Variants in CCDC7 observed in about 807,000 individuals in gnomAD.
CCDC7 encodes coiled-coil domain-containing protein 7.
In CCDC7, 183 loss-of-function variants were observed where a neutral mutation model predicts 196.9. That is an observed-to-expected ratio of 0.93 (90% CI 0.82 to 1.05). The LOEUF (loss-of-function observed/expected upper bound fraction) is 1.05, where lower values mean the gene tolerates loss of function less well. CCDC7 is among the 50% of genes least tolerant of loss of function. CCDC7 has a pLI of 0.00. For missense variants in CCDC7, 1,540 were observed against 1,482.2 expected (o/e 1.04, Z -0.64); for synonymous variants, 525 against 484.6 (o/e 1.08, Z -1.10).
chr10:32,786,834 G>T lies in CCDC7; in HGVS notation c.3013+7750G>T, dbSNP rs145520372. On this transcript the variant is annotated intron_variant, in intron 29 of 41. Coordinates refer to ENST00000639629, the Ensembl canonical transcript of CCDC7. ...AGAGCTAAAGGAAAACATGGACAAA[G>T]AACAAAAGGAAATCAGAAAAACTTT... Among the ~76,000 whole-genome samples the T allele has an allele frequency of 7.2e-5, 11 of 151,840 alleles. No individual in the cohort carries two copies. In the East Asian group the frequency reaches 2.1e-3, roughly 29 times the overall value.
At chr10:32,667,294 A>G (rs1175652501) in intron 21 of CCDC7, among the ~76,000 whole-genome samples, 1 of 152,140 alleles carries the variant, frequency 6.6e-6, no homozygotes, top group Non-Finnish European at 1.5e-5. Flanking sequence ...AGTAGATTGC[A>G]AAAATTATCT....
At chr10:32,854,298 A>G (rs1013339949) in intron 40 of CCDC7, 102 bp from the exon 42 acceptor site, 1 of 687,740 alleles carries the variant, frequency 1.5e-6, no homozygotes, top group African/African-American at 1.8e-5. Flanking sequence ...AAAAGTTGTA[A>G]GGAAACTGTG....
chr10:32,849,953 G>A (rs1337165042), intron 39 of CCDC7, among the ~76,000 whole-genome samples: 1 of 152,054 alleles, frequency 6.6e-6, no homozygotes, highest in African/African-American at 2.4e-5. Flanking sequence ...GAAGGCGGGG[G>A]GCACTGGCCA....
intron 18 of CCDC7, among the ~76,000 whole-genome samples, chr10:32,618,860 T>A (rs1271307854): frequency 2.0e-5 from 3 of 152,114 alleles, no homozygotes; most frequent in African/African-American, 7.2e-5. Flanking sequence ...TGCTCTTCCT[T>A]CCTCAGGAAT....
intron 9 of CCDC7, among the ~76,000 whole-genome samples, chr10:32,497,025 C>CT (rs1051914190): frequency 1.3e-5 from 2 of 152,148 alleles, no homozygotes; most frequent in Middle Eastern, 6.8e-3. Flanking sequence ...TGGTCCTGGA[C>CT]TTTTTTTGGT....
chr10:32,684,324 C>A (rs1363336450), intron 21 of CCDC7, among the ~76,000 whole-genome samples: 1 of 152,158 alleles, frequency 6.6e-6, no homozygotes, highest in East Asian at 1.9e-4. Context: ...GCCTGAATAG[C>A]GGCTCTGCGG....
At chr10:32,878,538 C>T (rs957524038), downstream of CCDC7, among the ~76,000 whole-genome samples, 1 of 152,036 alleles carries the variant, frequency 6.6e-6, no homozygotes, top group Non-Finnish European at 1.5e-5. Context: ...TAACCAATGA[C>T]TCTAATTAGC....
intron 20 of CCDC7, among the ~76,000 whole-genome samples, chr10:32,641,074 C>T (rs2066710199): frequency 6.6e-6 from 1 of 152,072 alleles, no homozygotes; most frequent in African/African-American, 2.4e-5. Context: ...TTCTGTCTGG[C>T]TGCCCTTAAC....
chr10:32,728,263 A>T (rs1323698765), intron 26 of CCDC7, among the ~76,000 whole-genome samples: 3 of 151,914 alleles, frequency 2.0e-5, no homozygotes, highest in African/African-American at 7.3e-5. Context: ...AAGGTTCTAC[A>T]TTTTTTTTAA....
At chr10:32,446,945 T>TCC (rs2031388094), upstream of CCDC7, among the ~76,000 whole-genome samples, 1 of 90,136 alleles carries the variant, frequency 1.1e-5, no homozygotes, top group African/African-American at 3.5e-5. Flanking sequence ...CCTCTTCCCT[T>TCC]CCTCCCTCCC....
At chr10:32,845,208 T>C in intron 33 of CCDC7, 35 bp from the exon 35 acceptor site, 1 of 1,336,914 alleles carries the variant, frequency 7.5e-7, no homozygotes, top group Non-Finnish European at 1.0e-6. Flanking sequence ...ATGTTTACCT[T>C]TCAAAATATA....
intron 28 of CCDC7, among the ~76,000 whole-genome samples, chr10:32,732,492 C>T (rs1160557577): frequency 6.6e-6 from 1 of 152,016 alleles, no homozygotes; most frequent in Non-Finnish European, 1.5e-5. Flanking sequence ...TTTATTTTAT[C>T]ATTTATGAGA....
chr10:32,666,781 G>A (rs907140159), intron 21 of CCDC7, among the ~76,000 whole-genome samples: 1 of 152,004 alleles, frequency 6.6e-6, no homozygotes, highest in Admixed American at 6.6e-5. Context: ...ATCATTGTTG[G>A]ACATTTGGGT....
At chr10:32,539,578 CTCT>C (rs950068951) in intron 11 of CCDC7, among the ~76,000 whole-genome samples, 25 of 151,816 alleles carry the variant, frequency 1.6e-4, no homozygotes, top group Non-Finnish European at 3.4e-4. Flanking sequence ...GGTTGGTTTA[CTCT>C]TCTTCTTCTA....
intron 28 of CCDC7, among the ~76,000 whole-genome samples, chr10:32,756,122 T>C (rs1214315052): frequency 2.0e-5 from 3 of 152,214 alleles, no homozygotes; most frequent in African/African-American, 7.2e-5. Context: ...AGACCAAATC[T>C]ACATCAGATT....
chr10:32,817,044 A>C (rs1261513062), intron 31 of CCDC7, among the ~76,000 whole-genome samples: 1 of 152,184 alleles, frequency 6.6e-6, no homozygotes, highest in Non-Finnish European at 1.5e-5. Flanking sequence ...CTCTGAGCTA[A>C]AGCAGGAAGT....
At chr10:32,679,640 T>A (rs1324723335) in intron 21 of CCDC7, among the ~76,000 whole-genome samples, 4 of 152,174 alleles carry the variant, frequency 2.6e-5, no homozygotes, top group African/African-American at 9.7e-5. Flanking sequence ...GGAATTACAC[T>A]TGGGTACTAG....
At chr10:32,565,559 A>G in exon 14 of CCDC7, 1 of 1,609,496 alleles carries the variant, frequency 6.2e-7, no homozygotes. Context: ...ACTTCCTAGA[A>G]AGTAGCACGT....
chr10:32,741,679 G>A (rs2085877578), intron 28 of CCDC7, among the ~76,000 whole-genome samples: 2 of 152,072 alleles, frequency 1.3e-5, no homozygotes, highest in Admixed American at 1.3e-4. Context: ...TGAAAAAAAT[G>A]TGTTAGTGAG....
Sources: allele counts gnomAD v4.1 joint callset (sites outside exome capture counted in the v4.1 genomes callset), GRCh38; gene constraint gnomAD v4.1.1; transcripts MANE v1.5; gene names NCBI Gene and HGNC (gene_info 2026-07-23, HGNC 2026-07-21).